The following FRMD4A variants were observed in gnomAD, a reference collection of about 807,000 sequenced individuals.
FRMD4A encodes the protein FERM domain-containing protein 4A.
Under a neutral mutation model 129.1 loss-of-function variants are expected in FRMD4A, and 29 were observed. That is an observed-to-expected ratio of 0.22 (90% CI 0.17 to 0.31). FRMD4A has a LOEUF of 0.31. FRMD4A is among the 10% of genes least tolerant of loss of function. The pLI is 1.00. For synonymous variants in FRMD4A, 634 were observed against 571.6 expected (o/e 1.11, Z -1.56); for missense variants, 1,272 against 1,375.8 (o/e 0.92, Z 1.19).
chr10:14,308,401 ATTT>A (rs982934782), intron 2 of FRMD4A, among the ~76,000 whole-genome samples: 1 of 148,558 alleles, frequency 6.7e-6, no homozygotes, highest in African/African-American at 2.6e-5. Flanking sequence ...ATTTATTATT[ATTT>A]TTTTTTCTTG....
intron 2 of FRMD4A, among the ~76,000 whole-genome samples, chr10:14,236,893 C>T (rs1166175945): frequency 6.9e-6 from 1 of 145,796 alleles, no homozygotes; most frequent in African/African-American, 2.5e-5. Context: ...TGGGTCTGCT[C>T]ATCTATAAAG....
chr10:13,839,819 G>A (rs966955788), intron 3 of FRMD4A, among the ~76,000 whole-genome samples: 2 of 152,186 alleles, frequency 1.3e-5, no homozygotes, highest in Non-Finnish European at 2.9e-5. Context: ...GTCTGAGCCG[G>A]CGTGTGCTGC....
chr10:13,684,329 A>T (rs2084886093), intron 15 of FRMD4A: 1 of 985,322 alleles, frequency 1.0e-6, no homozygotes, highest in East Asian at 1.1e-4. Context: ...ACGCCAAGTC[A>T]GAAAGTCATT....
intron 2 of FRMD4A, among the ~76,000 whole-genome samples, chr10:13,929,172 T>C (rs943915165): frequency 7.9e-5 from 12 of 152,250 alleles, no homozygotes; most frequent in Admixed American, 7.9e-4. Context: ...AAGCTGCCAC[T>C]TGACATATAA....
intron 2 of FRMD4A, among the ~76,000 whole-genome samples, chr10:14,217,503 T>C (rs1843111560): frequency 6.6e-6 from 1 of 152,238 alleles, no homozygotes; most frequent in Admixed American, 6.5e-5. Context: ...TTTCACCTTC[T>C]GCCATGATTG....
chr10:13,735,654 G>A (rs1345015095), intron 12 of FRMD4A, among the ~76,000 whole-genome samples: 2 of 152,308 alleles, frequency 1.3e-5, no homozygotes, highest in African/African-American at 4.8e-5. Context: ...TTGTTAGCAT[G>A]TCCTCTAAAA....
chr10:13,690,287 C>G (rs11258526), intron 15 of FRMD4A, among the ~76,000 whole-genome samples: 15,835 of 152,258 alleles, frequency 0.1, 1,136 homozygotes, highest in African/African-American at 0.2. Flanking sequence ...GATCTTCAGG[C>G]CAAGGCTAGA....
At chr10:13,764,183 C>CTGTGTGTGTGTG (rs1564761539) in intron 6 of FRMD4A, among the ~76,000 whole-genome samples, 1 of 87,294 alleles carries the variant, frequency 1.1e-5, no homozygotes, top group African/African-American at 5.0e-5. Context: ...CCAAAGATTT[C>CTGTGTGTGTGTG]CGTGTGTGTG....
At chr10:13,697,689 T>C (rs1195360054) in intron 14 of FRMD4A, among the ~76,000 whole-genome samples, 3 of 151,996 alleles carry the variant, frequency 2.0e-5, no homozygotes. Flanking sequence ...CCCCTTTGAC[T>C]CTGCCTTTGA....
intron 2 of FRMD4A, chr10:13,971,731 C>A (rs563980065): frequency 3.1e-6 from 4 of 1,304,392 alleles, no homozygotes; most frequent in Non-Finnish European, 1.0e-6. Flanking sequence ...CTTGGCAGGT[C>A]CTCAGCGCCC....
At chr10:14,149,492 C>T (rs1458585729) in intron 2 of FRMD4A, among the ~76,000 whole-genome samples, 6 of 151,830 alleles carry the variant, frequency 4.0e-5, no homozygotes, top group African/African-American at 1.5e-4. Flanking sequence ...GGTATTGCCA[C>T]CATGCCTGGG....
chr10:13,859,275 T>G (rs897188539), intron 2 of FRMD4A, among the ~76,000 whole-genome samples: 1 of 152,026 alleles, frequency 6.6e-6, no homozygotes, highest in African/African-American at 2.4e-5. Flanking sequence ...TCCCAGCTAC[T>G]TGGGAGGCTG....
intron 15 of FRMD4A, among the ~76,000 whole-genome samples, chr10:13,677,210 A>G (rs1321566570): frequency 6.6e-6 from 1 of 152,220 alleles, no homozygotes; most frequent in African/African-American, 2.4e-5. Context: ...TTTTAACTCT[A>G]ACATGGGTTT....
At chr10:13,700,949 C>T (rs2086773608) in intron 14 of FRMD4A, among the ~76,000 whole-genome samples, 1 of 142,290 alleles carries the variant, frequency 7.0e-6, no homozygotes, top group African/African-American at 2.6e-5. Flanking sequence ...GGTGTCTATT[C>T]GTTGAGAAAG....
intron 2 of FRMD4A, among the ~76,000 whole-genome samples, chr10:13,902,269 G>A (rs141425245): frequency 0.015 from 2,269 of 152,132 alleles, 31 homozygotes; most frequent in African/African-American, 0.036. Flanking sequence ...TCATGCCTTG[G>A]CCTCCCAAAG....
chr10:13,653,716 T>C (rs1031060564), intron 23 of FRMD4A: 5 of 152,132 alleles, frequency 3.3e-5, no homozygotes, highest in African/African-American at 1.2e-4. Context: ...TTAGAGATGA[T>C]GTCTCAGGGG....
chr10:14,136,423 CAG>C (rs1839538241), intron 2 of FRMD4A, among the ~76,000 whole-genome samples: 1 of 152,162 alleles, frequency 6.6e-6, no homozygotes, highest in Non-Finnish European at 1.5e-5. Flanking sequence ...TTCACAGGGA[CAG>C]AAAGTTATCC....
chr10:13,856,078 G>A (rs1247450331), intron 3 of FRMD4A, among the ~76,000 whole-genome samples: 6 of 148,726 alleles, frequency 4.0e-5, no homozygotes, highest in Non-Finnish European at 5.9e-5. Flanking sequence ...ATAGATACAC[G>A]CACTATCAAT....
At chr10:14,305,985 T>C (rs1238531) in intron 2 of FRMD4A, among the ~76,000 whole-genome samples, 27,435 of 151,902 alleles carry the variant, frequency 0.18, 3,269 homozygotes, top group African/African-American at 0.34. Context: ...GGATGGGCAG[T>C]GGGAGAAGGG....
Sources: gnomAD v4.1 joint callset for allele counts (sites outside exome capture counted in the v4.1 genomes callset) on GRCh38, gnomAD v4.1.1 for gene constraint, MANE v1.5 for transcripts, NCBI Gene and HGNC (gene_info 2026-07-23, HGNC 2026-07-21) for gene names.